MARCHF1: variants seen among roughly 807,000 people sequenced by gnomAD.
The protein encoded by MARCHF1 is membrane associated ring-CH-type finger 1.
A neutral mutation model predicts 54.2 loss-of-function variants in MARCHF1; 40 were observed. The ratio of observed to expected loss-of-function variants is 0.74; its 90% CI spans 0.57 to 0.96. The LOEUF is 0.96. MARCHF1 is among the 40% of genes least tolerant of loss of function. The pLI is 0.00. For missense variants in MARCHF1, 586 were observed against 656.5 expected (o/e 0.89, Z 1.17); for synonymous variants, 236 against 236.3 (o/e 1.00, Z 0.01).
chr4:164,295,846 G>A (rs1233603777), intron 1 of MARCHF1, among the ~76,000 whole-genome samples: 1 of 152,054 alleles, frequency 6.6e-6, no homozygotes, highest in Non-Finnish European at 1.5e-5. Context: ...AAGCAAGAGG[G>A]GTGAAGGAAG....
intron 4 of MARCHF1, among the ~76,000 whole-genome samples, chr4:163,737,982 C>T (rs1160477094): frequency 6.6e-6 from 1 of 152,058 alleles, no homozygotes; most frequent in East Asian, 1.9e-4. Context: ...CGGCACTATT[C>T]GCAGCTTTTT....
intron 1 of MARCHF1, among the ~76,000 whole-genome samples, chr4:164,252,325 T>C (rs1051345289): frequency 1.4e-5 from 2 of 145,920 alleles, no homozygotes; most frequent in Non-Finnish European, 3.0e-5. Context: ...CTCTCCACCA[T>C]CAAAAAAACA....
At chr4:163,738,683 C>T (rs1746115334) in intron 4 of MARCHF1, among the ~76,000 whole-genome samples, 1 of 152,190 alleles carries the variant, frequency 6.6e-6, no homozygotes, top group Non-Finnish European at 1.5e-5. Context: ...GCAGTTCTCA[C>T]TAATGCAAAG....
At chr4:163,914,003 T>A (rs1173883062) in intron 3 of MARCHF1, among the ~76,000 whole-genome samples, 1 of 152,144 alleles carries the variant, frequency 6.6e-6, no homozygotes, top group Non-Finnish European at 1.5e-5. Context: ...TCTTTTTTTT[T>A]TTTCTTTGTC....
At chr4:164,262,665 A>C (rs9308076) in intron 1 of MARCHF1, among the ~76,000 whole-genome samples, 17,764 of 152,186 alleles carry the variant, frequency 0.12, 1,631 homozygotes, top group African/African-American at 0.25. Context: ...ACTCACTTAA[A>C]TGGTTCCCTT....
intron 1 of MARCHF1, among the ~76,000 whole-genome samples, chr4:164,136,773 T>C (rs1474778377): frequency 6.6e-6 from 1 of 150,962 alleles, no homozygotes; most frequent in African/African-American, 2.5e-5. Flanking sequence ...AGACAGAGCA[T>C]GAGCAGTCCA....
chr4:164,052,966 A>G (rs1053992509), intron 2 of MARCHF1, among the ~76,000 whole-genome samples: 3 of 152,198 alleles, frequency 2.0e-5, no homozygotes, highest in Non-Finnish European at 4.4e-5. Context: ...ATTTTCTTTC[A>G]GTAACTGTCT....
intron 4 of MARCHF1, among the ~76,000 whole-genome samples, chr4:163,792,558 A>G (rs1747800141): frequency 6.6e-6 from 1 of 152,130 alleles, no homozygotes; most frequent in South Asian, 2.1e-4. Context: ...CTAAATCTCC[A>G]TCATATGTAC....
At chr4:164,247,050 G>A (rs200853008) in intron 1 of MARCHF1, among the ~76,000 whole-genome samples, 4,362 of 31,516 alleles carry the variant, frequency 0.14, 96 homozygotes, top group Non-Finnish European at 0.22. Flanking sequence ...TCAGTGTGGC[G>A]ATTCCTCAGG....
chr4:164,294,764 G>A (rs1734370155), intron 1 of MARCHF1, among the ~76,000 whole-genome samples: 1 of 151,908 alleles, frequency 6.6e-6, no homozygotes, highest in South Asian at 2.1e-4. Context: ...AATGCTTCTT[G>A]GCCTCAAAAA....
chr4:164,240,395 G>C (rs1235365749), intron 1 of MARCHF1, among the ~76,000 whole-genome samples: 1 of 152,116 alleles, frequency 6.6e-6, no homozygotes, highest in East Asian at 1.9e-4. Context: ...TTGGTGTCTG[G>C]ATAAGTTTCC....
chr4:164,028,587 G>T (rs1413170322), intron 2 of MARCHF1, among the ~76,000 whole-genome samples: 1 of 152,164 alleles, frequency 6.6e-6, no homozygotes, highest in African/African-American at 2.4e-5. Context: ...GTAGGGAAAC[G>T]AGGAGGGAGA....
chr4:163,612,626 G>A lies in MARCHF1; in HGVS notation c.655C>T (p.Gln219Ter), dbSNP rs965713300. The change falls in exon 7 of 10, where the codon CAA (glutamine) becomes TAA (stop). Residue 219 changes from glutamine (Q) to a stop codon, truncating the protein, a stop_gained. Transcript: ENST00000514618. LOFTEE classifies it high-confidence loss of function. ...CTCTCACATTCAATCAGCTCTTGTT[G>A]CTCTTTACCTTTGGATCCCAGATCA... ...LVDLGSKGKEQQELIECESCS... is the reference protein window; with the variant it reads ...LVDLGSKGKE 5.9e-6 allele frequency: 9 copies of A among 1,535,510 alleles called. No individual in the cohort carries two copies. The highest frequency in any genetic ancestry group is 7.8e-6 in the Non-Finnish European group (9 of 1,146,544).
At chr4:163,915,476 A>G (rs1751287393) in intron 3 of MARCHF1, among the ~76,000 whole-genome samples, 2 of 152,198 alleles carry the variant, frequency 1.3e-5, no homozygotes, top group African/African-American at 4.8e-5. Context: ...TAAATGTAAT[A>G]TGGTATCCTG....
chr4:164,038,467 T>G (rs1254205198), intron 2 of MARCHF1, among the ~76,000 whole-genome samples: 1 of 152,198 alleles, frequency 6.6e-6, no homozygotes, highest in Admixed American at 6.5e-5. Flanking sequence ...CACTCCCGCC[T>G]GGGCGACAGA....
At chr4:164,148,174 C>T (rs953117612) in intron 1 of MARCHF1, among the ~76,000 whole-genome samples, 6 of 151,432 alleles carry the variant, frequency 4.0e-5, no homozygotes, top group Non-Finnish European at 7.4e-5. Context: ...CACACACTCA[C>T]GAATTCAACC....
At chr4:163,663,222 CTT>C (rs70948661) in intron 5 of MARCHF1, among the ~76,000 whole-genome samples, 21 of 141,140 alleles carry the variant, frequency 1.5e-4, no homozygotes, top group Middle Eastern at 3.6e-3. Context: ...TTTAAATCAT[CTT>C]TTTTTTTTTT....
chr4:164,276,516 G>T (rs1733885607), intron 1 of MARCHF1, among the ~76,000 whole-genome samples: 1 of 151,166 alleles, frequency 6.6e-6, no homozygotes, highest in Non-Finnish European at 1.5e-5. Flanking sequence ...ACTATATGTG[G>T]ACATGTATAT....
intron 4 of MARCHF1, among the ~76,000 whole-genome samples, chr4:163,761,555 A>G (rs1245546488): frequency 6.6e-6 from 1 of 152,198 alleles, no homozygotes; most frequent in African/African-American, 2.4e-5. Flanking sequence ...CCTCACTCCA[A>G]TGAGATCAGC....
Sources: gnomAD v4.1 joint callset for allele counts (sites outside exome capture counted in the v4.1 genomes callset) on GRCh38, gnomAD v4.1.1 for gene constraint, MANE v1.5 for transcripts, NCBI Gene and HGNC (gene_info 2026-07-23, HGNC 2026-07-21) for gene names.